The following OPCML variants were observed in gnomAD, a reference collection of about 807,000 sequenced individuals.
The protein encoded by OPCML is opioid binding protein/cell adhesion molecule like.
OPCML carries 13 observed loss-of-function variants against 37.8 expected under a neutral mutation model. That is an observed-to-expected ratio of 0.34 (90% CI 0.22 to 0.55). The LOEUF (loss-of-function observed/expected upper bound fraction) is 0.55. Ranked by LOEUF, OPCML falls within the 20% of genes least tolerant of loss-of-function variation. The pLI, the probability that OPCML is intolerant of heterozygous loss-of-function variation, is 0.91. For missense variants in OPCML, 341 were observed against 435.6 expected, an observed-to-expected ratio of 0.78 and a Z score of 1.93; for synonymous variants, 176 against 168.8, an observed-to-expected ratio of 1.04 and a Z score of -0.33.
chr11:133,071,957 C>T lies in OPCML; in HGVS notation c.62-128947G>A, dbSNP rs78752438. Among the ~76,000 whole-genome samples the T allele has an allele frequency of 7.4e-3, 1,121 of 152,256 alleles. 14 individuals are homozygous for T. The highest frequency in any genetic ancestry group is 0.026 in the African/African-American group (1,070 of 41,532). On this transcript the variant is annotated intron_variant, in intron 1 of 7. Coordinates refer to ENST00000524381, the MANE Select transcript of OPCML (RefSeq NM_001012393.5). ...AGGATAAAATGCTTGCCCAGAGTCA[C>T]GGAGTTAGCGGTAGTGAAGTCAGGA...
At chr11:132,892,308 A>G (rs970971375) in intron 2 of OPCML, among the ~76,000 whole-genome samples, 4 of 152,196 alleles carry the variant, frequency 2.6e-5, no homozygotes, top group African/African-American at 9.7e-5. Context: ...ACTCATTCTA[A>G]CTGGGTTTAG....
intron 1 of OPCML, among the ~76,000 whole-genome samples, chr11:133,243,232 C>A (rs1411228194): frequency 1.3e-5 from 2 of 152,070 alleles, no homozygotes; most frequent in African/African-American, 4.8e-5. Flanking sequence ...TACTCCAAAC[C>A]CAGAGGGTAC....
At chr11:133,201,776 G>T (rs1011781047) in intron 1 of OPCML, among the ~76,000 whole-genome samples, 4 of 152,152 alleles carry the variant, frequency 2.6e-5, no homozygotes, top group African/African-American at 9.7e-5. Context: ...TGTCAACACT[G>T]GCTAAAGCCA....
intron 1 of OPCML, among the ~76,000 whole-genome samples, chr11:133,350,615 A>G (rs1019159694): frequency 9.9e-5 from 15 of 152,198 alleles, no homozygotes; most frequent in Admixed American, 1.3e-4. Flanking sequence ...TTCTCTCTGA[A>G]CTATTGTTTT....
At chr11:132,667,533 G>A (rs1047428768) in intron 2 of OPCML, among the ~76,000 whole-genome samples, 1 of 152,172 alleles carries the variant, frequency 6.6e-6, no homozygotes, top group East Asian at 1.9e-4. Context: ...GGAGAAAGGG[G>A]ATAACTGTCA....
At chr11:133,025,891 G>A (rs1313584268) in intron 1 of OPCML, 2 of 169,478 alleles carry the variant, frequency 1.2e-5, no homozygotes, top group South Asian at 2.0e-4. Context: ...GTGCCACCAA[G>A]CCTGGCTAAT....
chr11:133,046,653 T>C (rs1041223708), intron 1 of OPCML, among the ~76,000 whole-genome samples: 2 of 152,210 alleles, frequency 1.3e-5, no homozygotes, highest in African/African-American at 4.8e-5. Context: ...TGTGGGGTTC[T>C]GTAGAGTACA....
At chr11:133,439,650 G>A (rs917639973) in intron 1 of OPCML, among the ~76,000 whole-genome samples, 1 of 151,654 alleles carries the variant, frequency 6.6e-6, no homozygotes, top group South Asian at 2.1e-4. Context: ...TGTATTTTTA[G>A]TAGAGACGGG....
intron 4 of OPCML, among the ~76,000 whole-genome samples, chr11:132,486,659 C>T (rs944107394): frequency 6.6e-6 from 1 of 151,724 alleles, no homozygotes; most frequent in Non-Finnish European, 1.5e-5. Flanking sequence ...TCCTTTCTTT[C>T]TTTTCTTTTT....
At chr11:133,372,395 T>C (rs900935908) in intron 1 of OPCML, among the ~76,000 whole-genome samples, 4 of 152,188 alleles carry the variant, frequency 2.6e-5, no homozygotes, top group African/African-American at 9.7e-5. Flanking sequence ...GAAAAATTGG[T>C]AGGGAGAAAT....
rs2096080622 is a variant in OPCML, at chr11:132,455,758, G to GTC, written c.506-18401_506-18400dup. ...CCGTTGTCTGTCAAAAACCTTCTTT[G>GTC]TCAAATTCATTCATTCATTCATTCA... is the stretch of plus-strand genomic sequence containing the variant. On this transcript the variant is annotated intron_variant, in intron 4 of 7. Coordinates refer to ENST00000524381, the MANE Select transcript of OPCML (RefSeq NM_001012393.5). 3.2e-5 allele frequency among the ~76,000 whole-genome samples: 4 copies of GTC among 125,544 alleles called. No homozygotes were observed. The Admixed American group carries it at 3.6e-4, about 11-fold the overall frequency. The allele number at this position is 125,544 out of a possible 152,430, so 82.4% of individuals were successfully genotyped here.
intron 1 of OPCML, chr11:133,418,377 A>G: frequency 2.0e-6 from 2 of 985,406 alleles, no homozygotes; most frequent in Non-Finnish European, 2.4e-6. Context: ...GAACTATTTC[A>G]GAAGCCACCT....
chr11:132,504,311 G>C (rs1181761636), intron 4 of OPCML, among the ~76,000 whole-genome samples: 2 of 151,974 alleles, frequency 1.3e-5, no homozygotes, highest in Non-Finnish European at 2.9e-5. Flanking sequence ...TTCAAAAAGG[G>C]AGGCCGAGCA....
chr11:132,431,432 A>T (rs2095996585), intron 7 of OPCML, among the ~76,000 whole-genome samples: 1 of 152,222 alleles, frequency 6.6e-6, no homozygotes, highest in Admixed American at 6.5e-5. Flanking sequence ...CAGCACCTGC[A>T]GTTGCCTGGG....
At chr11:132,421,274 C>G (rs1158840833) in intron 7 of OPCML, among the ~76,000 whole-genome samples, 1 of 152,090 alleles carries the variant, frequency 6.6e-6, no homozygotes, top group Admixed American at 6.6e-5. Context: ...CTATTATTAC[C>G]AAGGGATTAA....
At chr11:132,836,005 C>T (rs888637479) in intron 2 of OPCML, among the ~76,000 whole-genome samples, 1 of 152,136 alleles carries the variant, frequency 6.6e-6, no homozygotes, top group Non-Finnish European at 1.5e-5. Flanking sequence ...GGAAGAAATT[C>T]GCTCTCTAAA....
intron 1 of OPCML, among the ~76,000 whole-genome samples, chr11:133,237,637 A>G (rs796114100): frequency 1.2e-4 from 18 of 152,316 alleles, no homozygotes; most frequent in African/African-American, 4.3e-4. Flanking sequence ...ATAGCCAAAG[A>G]GGTAATTGAA....
intron 1 of OPCML, among the ~76,000 whole-genome samples, chr11:133,046,091 C>T (rs1948007905): frequency 6.6e-6 from 1 of 152,164 alleles, no homozygotes; most frequent in African/African-American, 2.4e-5. Context: ...TCTGGAGACA[C>T]CAGCCCGAGA....
chr11:132,726,972 C>G (rs1208701533), intron 2 of OPCML, among the ~76,000 whole-genome samples: 1 of 152,164 alleles, frequency 6.6e-6, no homozygotes, highest in Non-Finnish European at 1.5e-5. Flanking sequence ...GGACCCTTCC[C>G]TGACCCCATG....
Sources: gnomAD v4.1 joint callset for allele counts (sites outside exome capture counted in the v4.1 genomes callset) on GRCh38, gnomAD v4.1.1 for gene constraint, MANE v1.5 for transcripts, NCBI Gene and HGNC (gene_info 2026-07-23, HGNC 2026-07-21) for gene names.